The following CTNND2 variants were observed in gnomAD, a reference collection of about 807,000 sequenced individuals.
CTNND2 encodes catenin delta-2.
A neutral mutation model predicts 144.4 loss-of-function variants in CTNND2; 22 were observed. The ratio of observed to expected loss-of-function variants is 0.15; its 90% CI spans 0.11 to 0.22. The LOEUF is 0.22. CTNND2 is among the 10% of genes least tolerant of loss of function. CTNND2 has a pLI of 1.00. For missense variants in CTNND2, 1,353 were observed against 1,618.8 expected (o/e 0.84, Z 2.82); for synonymous variants, 751 against 695.6 (o/e 1.08, Z -1.25).
intron 3 of CTNND2, among the ~76,000 whole-genome samples, chr5:11,545,138 A>G (rs866446462): frequency 1.0e-4 from 12 of 120,416 alleles, no homozygotes; most frequent in African/African-American, 4.4e-4. Flanking sequence ...AAAAAAAAGG[A>G]AAAAAAAAAA....
At chr5:11,895,082 C>T (rs536608254) in intron 1 of CTNND2, among the ~76,000 whole-genome samples, 1 of 152,042 alleles carries the variant, frequency 6.6e-6, no homozygotes. Flanking sequence ...AAAACAGTGT[C>T]CTGGCTCTTC....
chr5:11,666,939 C>T (rs1427322935), intron 2 of CTNND2, among the ~76,000 whole-genome samples: 1 of 151,934 alleles, frequency 6.6e-6, no homozygotes, highest in Non-Finnish European at 1.5e-5. Context: ...CCTGACAGGC[C>T]CCAGTGTGTG....
At chr5:11,135,543 A>C (rs1756046329) in intron 12 of CTNND2, among the ~76,000 whole-genome samples, 1 of 152,216 alleles carries the variant, frequency 6.6e-6, no homozygotes, top group Non-Finnish European at 1.5e-5. Flanking sequence ...GAATGACTTC[A>C]TTTAATCCAA....
At chr5:11,123,631 C>T (rs1754364343) in intron 12 of CTNND2, among the ~76,000 whole-genome samples, 1 of 152,242 alleles carries the variant, frequency 6.6e-6, no homozygotes, top group African/African-American at 2.4e-5. Flanking sequence ...ACCTATGCTC[C>T]TCTGCTGCAT....
At chr5:11,070,880 A>G (rs1383236494) in intron 16 of CTNND2, among the ~76,000 whole-genome samples, 1 of 152,048 alleles carries the variant, frequency 6.6e-6, no homozygotes, top group Non-Finnish European at 1.5e-5. Flanking sequence ...TATTGCAGGA[A>G]GAAATGAAGA....
chr5:11,515,675 C>T (rs1772100711), intron 3 of CTNND2, among the ~76,000 whole-genome samples: 1 of 151,996 alleles, frequency 6.6e-6, no homozygotes, highest in Non-Finnish European at 1.5e-5. Flanking sequence ...CAACATAGAC[C>T]ACATTAGGCT....
At chr5:11,138,399 C>T (rs1261686633) in intron 12 of CTNND2, among the ~76,000 whole-genome samples, 2 of 152,146 alleles carry the variant, frequency 1.3e-5, no homozygotes, top group Admixed American at 1.3e-4. Flanking sequence ...TCTTTGGGGG[C>T]CACTATTCTG....
chr5:11,684,917 T>C (rs1784575056), intron 2 of CTNND2, among the ~76,000 whole-genome samples: 2 of 152,210 alleles, frequency 1.3e-5, no homozygotes, highest in South Asian at 4.1e-4. Context: ...GTCAAACAAG[T>C]AGGAACAAAG....
At chr5:11,703,109 G>T (rs1785529737) in intron 2 of CTNND2, among the ~76,000 whole-genome samples, 1 of 152,190 alleles carries the variant, frequency 6.6e-6, no homozygotes, top group Non-Finnish European at 1.5e-5. Flanking sequence ...GAGTTGGGTA[G>T]AGTCTGCAGG....
chr5:11,685,928 G>A (rs1784627802), intron 2 of CTNND2, among the ~76,000 whole-genome samples: 1 of 152,212 alleles, frequency 6.6e-6, no homozygotes, highest in Admixed American at 6.5e-5. Context: ...AGGAAGGCCT[G>A]GCACAGTGGC....
intron 9 of CTNND2, among the ~76,000 whole-genome samples, chr5:11,296,173 G>T (rs1409525847): frequency 6.6e-6 from 1 of 151,740 alleles, no homozygotes; most frequent in Non-Finnish European, 1.5e-5. Flanking sequence ...GTGGTTGAAG[G>T]ATATGAACAG....
chr5:11,772,507 C>T (rs1790003801), intron 1 of CTNND2, among the ~76,000 whole-genome samples: 1 of 152,184 alleles, frequency 6.6e-6, no homozygotes, highest in African/African-American at 2.4e-5. Flanking sequence ...GTGGATTTTA[C>T]TAAGAAGTCC....
At chr5:11,673,652 A>C (rs1204997126) in intron 2 of CTNND2, among the ~76,000 whole-genome samples, 2 of 152,236 alleles carry the variant, frequency 1.3e-5, no homozygotes, top group African/African-American at 4.8e-5. Context: ...TCAAGCCCAA[A>C]GCACCATAAA....
chr5:11,796,605 AT>A (rs5865968), intron 1 of CTNND2, among the ~76,000 whole-genome samples: 130,688 of 152,166 alleles, frequency 0.86, 58,978 homozygotes, highest in South Asian at 0.99. Context: ...GGCATATAAC[AT>A]TTTCAAACAT....
At chr5:11,716,668 CTTATTTGTTTATTTAT>C (rs1427503258) in intron 2 of CTNND2, among the ~76,000 whole-genome samples, 1 of 150,940 alleles carries the variant, frequency 6.6e-6, no homozygotes, top group Non-Finnish European at 1.5e-5. Context: ...TTTTTATTTA[CTTATTTGTTTATTTAT>C]TTATTTATTT....
intron 16 of CTNND2, among the ~76,000 whole-genome samples, chr5:11,048,480 G>C (rs1350186716): frequency 6.6e-6 from 1 of 152,196 alleles, no homozygotes; most frequent in African/African-American, 2.4e-5. Context: ...TCTGTGCAGA[G>C]AGAAGGAAAT....
In CTNND2 at chr5:11,500,001, C is replaced by T. The variant is rs563422235; in HGVS notation, c.287+64943G>A. ...AAGTGATCTTTATTTTTTGCTCAATCCTATTTAATATAAAAAGGGAGTGAG... is the reference window on the plus strand; with the variant it reads ...AAGTGATCTTTATTTTTTGCTCAATTCTATTTAATATAAAAAGGGAGTGAG... On this transcript the variant is annotated intron_variant, in intron 3 of 21. Coordinates refer to ENST00000304623, the MANE Select transcript of CTNND2 (RefSeq NM_001332.4). 7.9e-5 allele frequency among the ~76,000 whole-genome samples: 12 copies of T among 152,056 alleles called. No homozygotes were observed. In the East Asian group the frequency reaches 2.1e-3, roughly 27 times the overall value.
At chr5:11,849,616 G>C in intron 1 of CTNND2, among the ~76,000 whole-genome samples, 1 of 152,174 alleles carries the variant, frequency 6.6e-6, no homozygotes, top group Middle Eastern at 3.2e-3. Context: ...TGAGCACACT[G>C]CCCTTAACTG....
intron 1 of CTNND2, among the ~76,000 whole-genome samples, chr5:11,777,218 G>T (rs925121046): frequency 4.6e-5 from 7 of 152,162 alleles, no homozygotes; most frequent in African/African-American, 1.7e-4. Flanking sequence ...ATGTAAATTT[G>T]CCCTTCAGCT....
Sources: gnomAD v4.1 joint callset for allele counts (sites outside exome capture counted in the v4.1 genomes callset) on GRCh38, gnomAD v4.1.1 for gene constraint, MANE v1.5 for transcripts, NCBI Gene and HGNC (gene_info 2026-07-23, HGNC 2026-07-21) for gene names.